COG5: variants seen among roughly 807,000 people sequenced by gnomAD.
COG5 encodes the protein conserved oligomeric Golgi complex subunit 5.
Under a neutral mutation model 110.4 loss-of-function variants are expected in COG5, and 86 were observed. That is an observed-to-expected ratio of 0.78 (90% CI 0.65 to 0.93). The LOEUF (loss-of-function observed/expected upper bound fraction) is 0.93, where lower values mean the gene tolerates loss of function less well. COG5 is among the 40% of genes least tolerant of loss of function. COG5 has a pLI of 0.00. For missense variants in COG5, 1,077 were observed against 987.0 expected, an observed-to-expected ratio of 1.09 and a Z score of -1.22; for synonymous variants, 360 against 334.6, an observed-to-expected ratio of 1.08 and a Z score of -0.83.
chr7:107,470,060 A>C (rs1796542742), intron 6 of COG5: 1 of 152,212 alleles, frequency 6.6e-6, no homozygotes, highest in Non-Finnish European at 1.5e-5. Context: ...GTAGGCTGTC[A>C]TTCTGCAAAA....
rs541698918 is a variant in COG5, at chr7:107,500,057, C to T, written c.538+27180G>A. Among the ~76,000 whole-genome samples the T allele has an allele frequency of 3.3e-5, 5 of 152,148 alleles. No homozygotes were observed. The South Asian group carries it at 8.3e-4, about 25-fold the overall frequency. The stretch of plus-strand genomic sequence containing the variant: ...AGATATTATTAGGAAGAAGAGCACT[C>T]AACCAAACTGAGACCCTGTAAAAAA... On this transcript the variant is annotated intron_variant, in intron 6 of 21. Coordinates refer to ENST00000297135, the MANE Select transcript of COG5 (RefSeq NM_006348.5).
chr7:107,422,328 C>T (rs1793354467), intron 6 of COG5, among the ~76,000 whole-genome samples: 1 of 151,326 alleles, frequency 6.6e-6, no homozygotes, highest in Non-Finnish European at 1.5e-5. Context: ...CATTTTATTT[C>T]TTGAGGCCAA....
chr7:107,334,883 T>C (rs1007608763), intron 10 of COG5, among the ~76,000 whole-genome samples: 2 of 152,130 alleles, frequency 1.3e-5, no homozygotes, highest in African/African-American at 4.8e-5. Context: ...ACTCTAATAC[T>C]GTAACTGTGC....
In COG5 at chr7:107,345,228, A is replaced by G. The variant is rs184588005; in HGVS notation, c.1026+16805T>C. ...GTTCATGGTGCCCCAAAACAATACAATAGTAACATCAAAGATCACTGATCA... is the reference window on the plus strand; with the variant it reads ...GTTCATGGTGCCCCAAAACAATACAGTAGTAACATCAAAGATCACTGATCA... On this transcript the variant is annotated intron_variant, in intron 10 of 21. Coordinates refer to ENST00000297135, the MANE Select transcript of COG5 (RefSeq NM_006348.5). Among the ~76,000 whole-genome samples, 7 of 152,268 alleles carry G rather than the reference A, an allele frequency of 4.6e-5. No homozygotes were observed. In the East Asian group the frequency reaches 1.4e-3, roughly 29 times the overall value.
intron 17 of COG5, among the ~76,000 whole-genome samples, chr7:107,240,269 G>A (rs1429713412): frequency 3.3e-5 from 5 of 152,292 alleles, no homozygotes; most frequent in Non-Finnish European, 2.9e-5. Context: ...TGGATGGAGT[G>A]CAGTGGCTCG....
At chr7:107,406,880 G>A (rs1791888380) in intron 7 of COG5, among the ~76,000 whole-genome samples, 1 of 151,992 alleles carries the variant, frequency 6.6e-6, no homozygotes, top group Non-Finnish European at 1.5e-5. Context: ...ATATACATAA[G>A]GTTTCCCATT....
intron 20 of COG5, among the ~76,000 whole-genome samples, chr7:107,210,895 C>T (rs1799110410): frequency 6.6e-6 from 1 of 152,210 alleles, no homozygotes; most frequent in Non-Finnish European, 1.5e-5. Flanking sequence ...CTGGATGCAT[C>T]AGGTAATTTT....
At chr7:107,426,774 G>C (rs938864564) in intron 6 of COG5, among the ~76,000 whole-genome samples, 2 of 152,148 alleles carry the variant, frequency 1.3e-5, no homozygotes, top group Non-Finnish European at 2.9e-5. Flanking sequence ...GTGTAGCTGT[G>C]TGTTTCAACT....
At position 107,202,199 on chromosome 7, in the gene COG5, C is replaced by T. The variant is rs1254870859; in HGVS notation, c.*1317G>A. 6.6e-6 allele frequency: 1 copy of T among 152,632 alleles called. No individual in the cohort carries two copies. Among genetic ancestry groups the T allele is most frequent in the South Asian group, 2.1e-4 (1 of 4,828 alleles). The allele number at this position is 152,632 out of a possible 1,614,324, so 9.5% of individuals were successfully genotyped here. On this transcript the variant is annotated 3_prime_UTR_variant, in exon 22 of 22. Coordinates refer to ENST00000297135, the MANE Select transcript of COG5 (RefSeq NM_006348.5). ...TATTTTTTAACTTCGTGTTCTGTATCTCCTCAGCCATGTATCTTAAATATA... is the reference window on the plus strand; with the variant it reads ...TATTTTTTAACTTCGTGTTCTGTATTTCCTCAGCCATGTATCTTAAATATA...
At chr7:107,231,846 ATATT>A (rs956630118) in intron 18 of COG5, among the ~76,000 whole-genome samples, 9 of 142,962 alleles carry the variant, frequency 6.3e-5, no homozygotes, top group South Asian at 2.2e-4. Context: ...AATGAAGGGG[ATATT>A]TATTTATTAA....
chr7:107,311,064 T>C (rs1439803059), intron 11 of COG5, among the ~76,000 whole-genome samples: 1 of 152,228 alleles, frequency 6.6e-6, no homozygotes, highest in Non-Finnish European at 1.5e-5. Flanking sequence ...CAAATAATCA[T>C]GCAACAAATA....
intron 5 of COG5, among the ~76,000 whole-genome samples, chr7:107,545,993 C>T (rs1432209341): frequency 6.6e-6 from 1 of 151,952 alleles, no homozygotes; most frequent in Non-Finnish European, 1.5e-5. Context: ...GCTTAACAAA[C>T]TTAAGAAGAC....
At chr7:107,254,686 T>C (rs532063388) in intron 16 of COG5, among the ~76,000 whole-genome samples, 2 of 152,132 alleles carry the variant, frequency 1.3e-5, no homozygotes, top group Non-Finnish European at 2.9e-5. Context: ...CTCCAGCTAA[T>C]ATATTAAAAG....
chr7:107,315,452 C>G (rs1205106894), intron 11 of COG5, among the ~76,000 whole-genome samples: 1 of 152,030 alleles, frequency 6.6e-6, no homozygotes, highest in Non-Finnish European at 1.5e-5. Context: ...GAGACTAATA[C>G]TGCACAAGGG....
At chr7:107,255,354 C>A (rs1802807235) in intron 16 of COG5, among the ~76,000 whole-genome samples, 2 of 152,066 alleles carry the variant, frequency 1.3e-5, no homozygotes, top group African/African-American at 4.8e-5. Flanking sequence ...TTCTAATACA[C>A]TGGGGGAAAA....
At chr7:107,299,851 A>ATATATATATC (rs1807091244) in intron 11 of COG5, among the ~76,000 whole-genome samples, 1 of 134,138 alleles carries the variant, frequency 7.5e-6, no homozygotes, top group Admixed American at 7.4e-5. Context: ...ATATATATAT[A>ATATATATATC]TATATATCTG....
intron 11 of COG5, among the ~76,000 whole-genome samples, chr7:107,311,639 T>C (rs561298495): frequency 4.0e-5 from 6 of 151,622 alleles, no homozygotes; most frequent in African/African-American, 7.2e-5. Flanking sequence ...ATGATCCACC[T>C]GCCTCGGCCT....
intron 6 of COG5, among the ~76,000 whole-genome samples, chr7:107,455,757 GAAGCATTTATGA>G (rs1356005658): frequency 3.3e-5 from 5 of 151,956 alleles, no homozygotes; most frequent in Admixed American, 1.3e-4. Flanking sequence ...AAAAATTATG[GAAGCATTTATGA>G]AAGAAAACTG....
intron 1 of COG5, among the ~76,000 whole-genome samples, chr7:107,560,714 C>T (rs1250661484): frequency 1.3e-5 from 2 of 152,088 alleles, no homozygotes; most frequent in Non-Finnish European, 2.9e-5. Flanking sequence ...AAACCTTGTA[C>T]TATTTGTTCA....
Sources: allele counts gnomAD v4.1 joint callset (sites outside exome capture counted in the v4.1 genomes callset), GRCh38; gene constraint gnomAD v4.1.1; transcripts MANE v1.5; gene names NCBI Gene and HGNC (gene_info 2026-07-23, HGNC 2026-07-21).